SEC11A: variants seen among roughly 807,000 people sequenced by gnomAD.
The protein encoded by SEC11A is SEC11 homolog A, signal peptidase complex subunit.
Under a neutral mutation model 25.6 loss-of-function variants are expected in SEC11A, and 14 were observed. The observed-to-expected ratio is 0.55, with a 90% CI of 0.36 to 0.85. The LOEUF (loss-of-function observed/expected upper bound fraction) is 0.85, where lower values mean the gene tolerates loss of function less well. Ranked by LOEUF, SEC11A falls within the 40% of genes least tolerant of loss-of-function variation. The pLI, the probability that SEC11A is intolerant of heterozygous loss-of-function variation, is 0.01. For synonymous variants in SEC11A, 83 were observed against 76.4 expected (o/e 1.09, Z -0.45); for missense variants, 153 against 222.9 (o/e 0.69, Z 2.00).
At chr15:84,681,437 C>G (rs1897280462) in intron 3 of SEC11A, among the ~76,000 whole-genome samples, 1 of 152,158 alleles carries the variant, frequency 6.6e-6, no homozygotes, top group African/African-American at 2.4e-5. Flanking sequence ...CGAGACCAGC[C>G]TGGCCAACAT....
intron 5 of SEC11A, 22 bp downstream of exon 5, chr15:84,670,703 A>C (rs1329147768): frequency 2.4e-6 from 3 of 1,240,418 alleles, no homozygotes; most frequent in Admixed American, 2.4e-5. Context: ...TTTTTAATAA[A>C]ACAAATAATA....
At chr15:84,675,120 GCTCAGATAAA>G (rs1396109871) in intron 4 of SEC11A, among the ~76,000 whole-genome samples, 2 of 152,136 alleles carry the variant, frequency 1.3e-5, no homozygotes, top group Admixed American at 6.6e-5. Context: ...TGCCTATTTT[GCTCAGATAAA>G]CTCATGTGCT....
intron 5 of SEC11A, 90 bp from the exon 6 acceptor site, chr15:84,670,159 A>G (rs1896944684): frequency 2.4e-6 from 3 of 1,254,676 alleles, no homozygotes; most frequent in South Asian, 1.5e-5. Context: ...CTTTGTGAAT[A>G]TATCGCTAAA....
chr15:84,678,665 C>T (rs1176051923), intron 4 of SEC11A, among the ~76,000 whole-genome samples: 1 of 152,156 alleles, frequency 6.6e-6, no homozygotes, highest in Non-Finnish European at 1.5e-5. Flanking sequence ...ATTCTCCTTT[C>T]ACACACAAAA....
chr15:84,685,521 G>A lies in SEC11A; in HGVS notation c.311+2104C>T, dbSNP rs112322254. Among the ~76,000 whole-genome samples the A allele has an allele frequency of 7.9e-3, 1,183 of 150,000 alleles. 15 individuals are homozygous for A. The highest frequency in any genetic ancestry group is 0.028 in the African/African-American group (1,129 of 40,688). On this transcript the variant is annotated intron_variant, in intron 3 of 5. Coordinates refer to ENST00000268220, the MANE Select transcript of SEC11A (RefSeq NM_014300.4). ...GCTCCTGCGCTCAAGCACTCCACCC[G>A]CCTCAGCCTCCCAAAGGGCTGGGAT...
At chr15:84,674,275 C>T (rs1476012550) in intron 4 of SEC11A, among the ~76,000 whole-genome samples, 1 of 151,666 alleles carries the variant, frequency 6.6e-6, no homozygotes, top group East Asian at 1.9e-4. Flanking sequence ...TCTTTTGTCT[C>T]ATTTTTAACA....
intron 1 of SEC11A, among the ~76,000 whole-genome samples, chr15:84,700,298 A>G (rs566593277): frequency 4.9e-4 from 74 of 151,966 alleles, no homozygotes; most frequent in Admixed American, 1.4e-3. Flanking sequence ...TTATAGGATT[A>G]GTAGAAAGGG....
intron 1 of SEC11A, among the ~76,000 whole-genome samples, chr15:84,700,148 A>G (rs1897886464): frequency 6.6e-6 from 1 of 151,960 alleles, no homozygotes; most frequent in Non-Finnish European, 1.5e-5. Context: ...TGCAAATCCA[A>G]ACATATCCAG....
chr15:84,680,776 C>T lies in SEC11A; in HGVS notation c.368G>A (p.Arg123Gln). ...TKGDNNAVDD[R>Q]GLYKQGQHWL... ...ATGTTGTCCTTGTTTATAGAGGCCT[C>T]GGTCATCAACCGCATTATTATCTCC... Residue 123 changes from arginine to glutamine, a missense_variant, in exon 4 of 6, where the codon CGA (arginine) becomes CAA (glutamine). Physicochemically the swap from Arg to Gln is conservative, Grantham distance 43. Transcript: ENST00000268220. 6.2e-7 allele frequency: 1 copy of T among 1,611,976 alleles called. No individual in the cohort carries two copies. Among genetic ancestry groups the T allele is most frequent in the South Asian group, 1.1e-5 (1 of 90,934 alleles).
intron 1 of SEC11A, among the ~76,000 whole-genome samples, chr15:84,697,555 A>C (rs139523145): frequency 1.3e-5 from 2 of 152,314 alleles, no homozygotes; most frequent in Non-Finnish European, 2.9e-5. Flanking sequence ...ACAGAAGCAC[A>C]CTATTTGCTA....
intron 3 of SEC11A, among the ~76,000 whole-genome samples, chr15:84,682,728 C>T (rs1897312992): frequency 6.6e-6 from 1 of 152,046 alleles, no homozygotes; most frequent in South Asian, 2.1e-4. Flanking sequence ...GGATTACAGG[C>T]GTGAGCCACC....
At chr15:84,676,370 G>A (rs909198053) in intron 4 of SEC11A, among the ~76,000 whole-genome samples, 1 of 151,958 alleles carries the variant, frequency 6.6e-6, no homozygotes, top group African/African-American at 2.4e-5. Context: ...GGAGGCTGAG[G>A]CAGGAGAATT....
At chr15:84,671,893 C>T (rs941557209) in intron 4 of SEC11A, 2 of 152,166 alleles carry the variant, frequency 1.3e-5, no homozygotes, top group Non-Finnish European at 2.9e-5. Context: ...GCATTCACGG[C>T]AGAAAGAGAA....
At chr15:84,680,892 A>C in intron 3 of SEC11A, 60 bp from the exon 4 acceptor site, 1 of 1,486,350 alleles carries the variant, frequency 6.7e-7, no homozygotes, top group Admixed American at 2.0e-5. Context: ...AAAGCACAAA[A>C]TCTGTTCTTG....
chr15:84,711,935 A>G (rs897969754), intron 1 of SEC11A, among the ~76,000 whole-genome samples: 7 of 152,170 alleles, frequency 4.6e-5, no homozygotes, highest in African/African-American at 7.2e-5. Context: ...AGCACTGTTA[A>G]AAATCAATTA....
At chr15:84,714,755 C>T (rs990165507) in intron 1 of SEC11A, 1 of 152,232 alleles carries the variant, frequency 6.6e-6, no homozygotes, top group African/African-American at 2.4e-5. Context: ...AAGTGCTTCA[C>T]ACATGGCAAG....
intron 3 of SEC11A, among the ~76,000 whole-genome samples, chr15:84,687,141 G>A (rs1897451305): frequency 6.6e-6 from 1 of 152,062 alleles, no homozygotes; most frequent in Admixed American, 6.6e-5. Context: ...CAAAGTGCTG[G>A]GATTACAGGC....
chr15:84,714,018 C>CTTTTTTTTTTT (rs34873142), intron 1 of SEC11A, among the ~76,000 whole-genome samples: 1 of 100,428 alleles, frequency 1.0e-5, no homozygotes, highest in Non-Finnish European at 1.9e-5. Context: ...CATATACCTT[C>CTTTTTTTTTTT]TTTTTTTTTT....
chr15:84,678,561 A>T (rs973846973), intron 4 of SEC11A, among the ~76,000 whole-genome samples: 1 of 152,246 alleles, frequency 6.6e-6, no homozygotes, highest in African/African-American at 2.4e-5. Flanking sequence ...AATAGCATAC[A>T]GCTTTGAAAA....
Sources: allele counts gnomAD v4.1 joint callset (sites outside exome capture counted in the v4.1 genomes callset), GRCh38; gene constraint gnomAD v4.1.1; transcripts MANE v1.5; gene names NCBI Gene and HGNC (gene_info 2026-07-23, HGNC 2026-07-21).